Variants in TOX observed in about 807,000 individuals in gnomAD.
The protein encoded by TOX is thymocyte selection associated high mobility group box.
Under a neutral mutation model 53.7 loss-of-function variants are expected in TOX, and 11 were observed. The observed-to-expected ratio is 0.20, with a 90% CI of 0.13 to 0.34. The LOEUF is 0.34. Ranked by LOEUF, TOX falls within the 10% of genes least tolerant of loss-of-function variation. The pLI, the probability that TOX is intolerant of heterozygous loss-of-function variation, is 1.00. For missense variants in TOX, 570 were observed against 664.6 expected, an observed-to-expected ratio of 0.86 and a Z score of 1.56; for synonymous variants, 225 against 245.3, an observed-to-expected ratio of 0.92 and a Z score of 0.77.
At chr8:58,835,233 C>T (rs1440195355) in intron 5 of TOX, among the ~76,000 whole-genome samples, 4 of 152,096 alleles carry the variant, frequency 2.6e-5, no homozygotes, top group Admixed American at 6.6e-5. Flanking sequence ...TTACAAGTTA[C>T]TTACTAAACT....
At chr8:59,018,227 T>A (rs1334663448) in intron 1 of TOX, among the ~76,000 whole-genome samples, 2 of 152,288 alleles carry the variant, frequency 1.3e-5, no homozygotes, top group East Asian at 3.9e-4. Context: ...ATGGTAGTTT[T>A]ACACCATCTT....
At chr8:59,080,776 C>T (rs947443043) in intron 1 of TOX, among the ~76,000 whole-genome samples, 1 of 152,114 alleles carries the variant, frequency 6.6e-6, no homozygotes, top group Non-Finnish European at 1.5e-5. Context: ...GTGCCTGCTA[C>T]CATTTTGCCC....
intron 3 of TOX, among the ~76,000 whole-genome samples, chr8:58,933,391 G>A (rs112633376): frequency 0.013 from 1,998 of 152,186 alleles, 57 homozygotes; most frequent in African/African-American, 0.046. Flanking sequence ...TACTTAATAT[G>A]GGCATTTTCT....
intron 3 of TOX, among the ~76,000 whole-genome samples, chr8:58,854,614 CCA>C (rs1240563523): frequency 3.3e-5 from 5 of 152,106 alleles, no homozygotes; most frequent in African/African-American, 9.7e-5. Flanking sequence ...ACCTCTCTTT[CCA>C]CAGTCTCATC....
intron 1 of TOX, among the ~76,000 whole-genome samples, chr8:58,982,635 C>T (rs770425932): frequency 2.0e-5 from 3 of 152,236 alleles, no homozygotes; most frequent in East Asian, 1.9e-4. Context: ...CCTGTTCCCA[C>T]CAGTTCAATC....
chr8:58,902,986 G>T (rs1811754777), intron 3 of TOX, among the ~76,000 whole-genome samples: 1 of 152,114 alleles, frequency 6.6e-6, no homozygotes, highest in Non-Finnish European at 1.5e-5. Flanking sequence ...AATCTTGGCT[G>T]GCAGCCCAGC....
chr8:59,102,357 A>C lies in TOX; in HGVS notation c.102+16529T>G, dbSNP rs192910493. Among the ~76,000 whole-genome samples, 419 of 152,254 alleles carry C rather than the reference A, an allele frequency of 2.8e-3. 2 individuals are homozygous for C. Among genetic ancestry groups the C allele is most frequent in the African/African-American group, 9.0e-3 (372 of 41,538 alleles). ...ATTCTCACACCTCAGCCTCCCGAGT[A>C]GCTGGGATTACAGGCACATGCCACC... is the stretch of plus-strand genomic sequence containing the variant. On this transcript the variant is annotated intron_variant, in intron 1 of 8. Transcript: ENST00000361421.
chr8:58,823,416 G>T (rs1347946075), intron 6 of TOX, among the ~76,000 whole-genome samples: 12 of 152,030 alleles, frequency 7.9e-5, no homozygotes, highest in Non-Finnish European at 2.9e-5. Flanking sequence ...TGGAGACAGG[G>T]TTTCACCATA....
chr8:58,871,527 T>A (rs1340406979), intron 3 of TOX, among the ~76,000 whole-genome samples: 1 of 152,204 alleles, frequency 6.6e-6, no homozygotes, highest in African/African-American at 2.4e-5. Flanking sequence ...AATAAGATGC[T>A]GACTTAAGTA....
chr8:58,859,488 CA>C (rs1446802153), intron 3 of TOX, among the ~76,000 whole-genome samples: 1 of 152,114 alleles, frequency 6.6e-6, no homozygotes, highest in Non-Finnish European at 1.5e-5. Flanking sequence ...CAGTACGCTA[CA>C]ATAGAATACC....
intron 4 of TOX, among the ~76,000 whole-genome samples, chr8:58,847,503 G>A (rs1810737230): frequency 6.6e-6 from 1 of 152,028 alleles, no homozygotes; most frequent in Non-Finnish European, 1.5e-5. Flanking sequence ...ATACATAGGG[G>A]CAAGGAAGTA....
chr8:59,114,140 C>T (rs1160827402), intron 1 of TOX, among the ~76,000 whole-genome samples: 1 of 152,196 alleles, frequency 6.6e-6, no homozygotes, highest in African/African-American at 2.4e-5. Flanking sequence ...CTTGCAATCA[C>T]ATCATTTAAA....
intron 5 of TOX, among the ~76,000 whole-genome samples, chr8:58,828,786 T>C (rs1285694378): frequency 6.6e-6 from 1 of 152,188 alleles, no homozygotes; most frequent in Non-Finnish European, 1.5e-5. Flanking sequence ...AATTTATAAT[T>C]AATGACCTTA....
intron 3 of TOX, among the ~76,000 whole-genome samples, chr8:58,935,360 C>A (rs998583751): frequency 6.6e-6 from 1 of 152,086 alleles, no homozygotes; most frequent in East Asian, 1.9e-4. Context: ...AATACTAATA[C>A]AAAGATACAA....
intron 1 of TOX, among the ~76,000 whole-genome samples, chr8:59,014,614 C>T (rs949397381): frequency 2.6e-5 from 4 of 152,168 alleles, no homozygotes; most frequent in South Asian, 2.1e-4. Context: ...AAAATGCTGA[C>T]GACCTGCTTT....
At chr8:58,948,710 AT>A (rs34503547) in intron 2 of TOX, among the ~76,000 whole-genome samples, 46,704 of 151,784 alleles carry the variant, frequency 0.31, 7,449 homozygotes, top group East Asian at 0.4. Flanking sequence ...AATGCAATCT[AT>A]TTTTTTTAGT....
intron 3 of TOX, among the ~76,000 whole-genome samples, chr8:58,852,100 A>G (rs1224459310): frequency 6.6e-6 from 1 of 152,026 alleles, no homozygotes; most frequent in East Asian, 1.9e-4. Flanking sequence ...TGAAATATAG[A>G]AATATATTAT....
At chr8:58,843,814 C>A (rs1810681531) in intron 4 of TOX, among the ~76,000 whole-genome samples, 1 of 152,184 alleles carries the variant, frequency 6.6e-6, no homozygotes, top group South Asian at 2.1e-4. Context: ...GTAAGGCCTA[C>A]TTTTGGAAGT....
chr8:58,930,815 G>T (rs890086388), intron 3 of TOX, among the ~76,000 whole-genome samples: 1 of 152,026 alleles, frequency 6.6e-6, no homozygotes, highest in African/African-American at 2.4e-5. Flanking sequence ...TCCCCAAACT[G>T]CCCCCTCAAC....
Sources: gnomAD v4.1 joint callset for allele counts (sites outside exome capture counted in the v4.1 genomes callset) on GRCh38, gnomAD v4.1.1 for gene constraint, MANE v1.5 for transcripts, NCBI Gene and HGNC (gene_info 2026-07-23, HGNC 2026-07-21) for gene names.